The following N4BP1 variants were observed in gnomAD, a reference collection of about 807,000 sequenced individuals.
N4BP1 encodes NEDD4 binding protein 1, also known as NEDD4-binding protein 1.
N4BP1 carries 21 observed loss-of-function variants against 70.9 expected under a neutral mutation model. The ratio of observed to expected loss-of-function variants is 0.30; its 90% CI spans 0.21 to 0.43. The LOEUF (loss-of-function observed/expected upper bound fraction) is 0.43, where lower values mean the gene tolerates loss of function less well. Among genes scored for constraint, N4BP1 ranks in the 20% least tolerant of loss-of-function variants. N4BP1 has a pLI of 1.00. For synonymous variants in N4BP1, 387 were observed against 394.6 expected (o/e 0.98, Z 0.23); for missense variants, 936 against 1,069.4 (o/e 0.88, Z 1.74).
intron 1 of N4BP1, among the ~76,000 whole-genome samples, chr16:48,594,625 G>A (rs1414706572): frequency 6.6e-6 from 1 of 152,062 alleles, no homozygotes; most frequent in African/African-American, 2.4e-5. Flanking sequence ...CAAAGTGCTG[G>A]GATTATAGGT....
At chr16:48,549,731 G>A (rs1234188215) in intron 4 of N4BP1, among the ~76,000 whole-genome samples, 5 of 152,194 alleles carry the variant, frequency 3.3e-5, no homozygotes, top group Admixed American at 2.6e-4. Flanking sequence ...GGCCCTTTTG[G>A]TGAATGAATA....
In N4BP1 at chr16:48,561,099, T is replaced by C. The variant is rs1449921616; in HGVS notation, c.1544A>G (p.Gln515Arg). 6.2e-7 allele frequency: 1 copy of C among 1,614,038 alleles called. No homozygotes were observed. Among genetic ancestry groups the C allele is most frequent in the East Asian group, 2.2e-5 (1 of 44,894 alleles). ...TTCAGGAAAAAGTGGAACTCTGGGC[T>C]GGTGACTTGAAGCTCCCCTTGAAAC... is the stretch of plus-strand genomic sequence containing the variant. Reference protein sequence around the residue: ...NFVSRGASSHQPRVPLFPENG... With the variant: ...NFVSRGASSHRPRVPLFPENG... Residue 515 changes from glutamine to arginine, a missense_variant, in exon 2 of 7, where the codon CAG becomes CGG. Coordinates refer to ENST00000262384, the MANE Select transcript of N4BP1 (RefSeq NM_153029.4).
chr16:48,589,526 A>C (rs568556195), intron 1 of N4BP1, among the ~76,000 whole-genome samples: 1 of 152,192 alleles, frequency 6.6e-6, no homozygotes, highest in East Asian at 1.9e-4. Context: ...TTTCCCTCAT[A>C]CCTTGCCCTA....
Position 48,562,220 on chromosome 16 carries a change from A to C in N4BP1, c.423T>G (p.Phe141Leu). The C allele has an allele frequency of 7.4e-6, 12 of 1,613,786 alleles. No homozygotes were observed. The highest frequency in any genetic ancestry group is 2.2e-5 in the South Asian group (2 of 91,046). ...TACTGGGTAGGTTCTCTTTATTTTCAAAGAGCTTTACAAATTGTTGAATGT... is the reference window on the plus strand; with the variant it reads ...TACTGGGTAGGTTCTCTTTATTTTCCAAGAGCTTTACAAATTGTTGAATGT... ...RSHIQQFVKL[F>L]ENKENLPSSQ... The change falls in exon 2 of 7, where the codon TTT (phenylalanine) becomes TTG (leucine). Residue 141 changes from phenylalanine to leucine, a missense_variant. Coordinates refer to ENST00000262384, the MANE Select transcript of N4BP1 (RefSeq NM_153029.4).
At chr16:48,593,197 T>A (rs1209440699) in intron 1 of N4BP1, among the ~76,000 whole-genome samples, 1 of 152,354 alleles carries the variant, frequency 6.6e-6, no homozygotes. Flanking sequence ...AGACCTTATC[T>A]GCACTTCTGA....
At chr16:48,547,934 G>A (rs1022661317) in intron 5 of N4BP1, 73 bp downstream of exon 5, 11 of 1,025,176 alleles carry the variant, frequency 1.1e-5, no homozygotes, top group African/African-American at 9.6e-5. Context: ...AAAACAAAAC[G>A]AACAAAATGC....
At chr16:48,595,860 G>A (rs1278199907) in intron 1 of N4BP1, among the ~76,000 whole-genome samples, 3 of 152,188 alleles carry the variant, frequency 2.0e-5, no homozygotes, top group Non-Finnish European at 4.4e-5. Flanking sequence ...CTTTCTGACA[G>A]GCCCAGGAGC....
chr16:48,551,653 A>G (rs1454679098), intron 3 of N4BP1, among the ~76,000 whole-genome samples, 171 bp from the exon 4 acceptor site: 1 of 152,120 alleles, frequency 6.6e-6, no homozygotes, highest in Non-Finnish European at 1.5e-5. Context: ...AGCAAGACCC[A>G]TACTAAGGCA....
chr16:48,604,602 T>TAA (rs11423007), intron 1 of N4BP1, among the ~76,000 whole-genome samples: 51,622 of 138,202 alleles, frequency 0.37, 9,214 homozygotes, highest in African/African-American at 0.44. Context: ...CAAAAAAAGG[T>TAA]AAAAAAAAAA....
At chr16:48,573,987 G>A (rs1436529135) in intron 1 of N4BP1, among the ~76,000 whole-genome samples, 7 of 152,214 alleles carry the variant, frequency 4.6e-5, no homozygotes, top group African/African-American at 1.7e-4. Flanking sequence ...TATTTCAGAG[G>A]TGGAAAAAAA....
intron 1 of N4BP1, among the ~76,000 whole-genome samples, chr16:48,584,026 C>A (rs1964209301): frequency 6.6e-6 from 1 of 152,178 alleles, no homozygotes; most frequent in South Asian, 2.1e-4. Context: ...TTTGATGATT[C>A]TTAGCCACAT....
At chr16:48,547,950 GAAAC>G (rs1963612394) in intron 5 of N4BP1, 53 bp downstream of exon 5, 20 of 1,169,746 alleles carry the variant, frequency 1.7e-5, no homozygotes, top group Middle Eastern at 2.8e-4. Context: ...AATGCACACA[GAAAC>G]AAACAATTAA....
chr16:48,594,436 C>A (rs1192549569), intron 1 of N4BP1, among the ~76,000 whole-genome samples: 1 of 152,136 alleles, frequency 6.6e-6, no homozygotes, highest in East Asian at 1.9e-4. Flanking sequence ...CTCACTGCAA[C>A]CTCTGCCTCA....
intron 1 of N4BP1, among the ~76,000 whole-genome samples, chr16:48,599,779 A>G (rs1008390144): frequency 3.9e-5 from 6 of 152,220 alleles, no homozygotes; most frequent in Non-Finnish European, 7.3e-5. Flanking sequence ...AGGTAAGCAG[A>G]AACCTGCTAG....
intron 1 of N4BP1, among the ~76,000 whole-genome samples, chr16:48,573,836 A>G (rs1005353117): frequency 6.6e-6 from 1 of 152,222 alleles, no homozygotes; most frequent in Non-Finnish European, 1.5e-5. Context: ...AAAGTAAGCT[A>G]GAGAAAAGAA....
chr16:48,589,588 G>C (rs141858224), intron 1 of N4BP1, among the ~76,000 whole-genome samples: 2 of 152,080 alleles, frequency 1.3e-5, no homozygotes, highest in Non-Finnish European at 2.9e-5. Flanking sequence ...TAACCAGTAA[G>C]TGTCTTGCCC....
At chr16:48,606,598 G>A (rs1218493398) in intron 1 of N4BP1, among the ~76,000 whole-genome samples, 2 of 152,176 alleles carry the variant, frequency 1.3e-5, no homozygotes, top group East Asian at 3.8e-4. Context: ...TAACAAAAGT[G>A]GTCACTGGTA....
At chr16:48,597,429 A>G (rs952763557) in intron 1 of N4BP1, among the ~76,000 whole-genome samples, 2 of 152,230 alleles carry the variant, frequency 1.3e-5, no homozygotes, top group African/African-American at 2.4e-5. Context: ...CTTGTAACCG[A>G]AAGTCATGTA....
intron 1 of N4BP1, among the ~76,000 whole-genome samples, chr16:48,586,399 T>C (rs1298588329): frequency 6.6e-6 from 1 of 152,238 alleles, no homozygotes; most frequent in Non-Finnish European, 1.5e-5. Context: ...CAAAACACTT[T>C]CTTAATCTAA....
Sources: gnomAD v4.1 joint callset for allele counts (sites outside exome capture counted in the v4.1 genomes callset) on GRCh38, gnomAD v4.1.1 for gene constraint, MANE v1.5 for transcripts, NCBI Gene and HGNC (gene_info 2026-07-23, HGNC 2026-07-21) for gene names.